Variants in POMZP3 observed in about 807,000 individuals in gnomAD.
The protein encoded by POMZP3 is POM121 and ZP3 fusion.
In POMZP3, 10 loss-of-function variants were observed where a neutral mutation model predicts 19.8. The observed-to-expected ratio is 0.51, with a 90% CI of 0.31 to 0.86. POMZP3 has a LOEUF of 0.86. Among genes scored for constraint, POMZP3 ranks in the 40% least tolerant of loss-of-function variants. The pLI, the probability that POMZP3 is intolerant of heterozygous loss-of-function variation, is 0.04. For synonymous variants in POMZP3, 57 were observed against 85.8 expected (o/e 0.66, Z 1.85); for missense variants, 152 against 228.1 (o/e 0.67, Z 2.15).
In POMZP3 at chr7:76,625,660, G is replaced by C; in HGVS notation, c.89C>G (p.Thr30Arg). The C allele has an allele frequency of 6.2e-7, 1 of 1,613,884 alleles. No homozygotes were observed. Among genetic ancestry groups the C allele is most frequent in the Non-Finnish European group, 8.5e-7 (1 of 1,179,838 alleles). Residue 30 changes from threonine (T) to arginine (R), a missense_variant, in exon 3 of 7, where the codon ACA (threonine) becomes AGA (arginine). By Grantham distance (71) the Thr-to-Arg change is moderately conservative. This residue lies in a region of POMZP3 where 70 missense variants were observed against 64.1 expected (regional missense o/e 1.09). Transcript: ENST00000310842. ...GGCATTACTTGATGGTGAGGACAGT[G>C]TTGAGCTGATTATCTGCTCTGGTCT... Reference protein sequence around the residue: ...SAIPEQIISSTLSSPSSNAPD... With the variant: ...SAIPEQIISSRLSSPSSNAPD...
In POMZP3 at chr7:76,610,201, C is replaced by G. The variant is rs750860386; in HGVS notation, c.*26G>C. 6.2e-6 allele frequency: 10 copies of G among 1,613,540 alleles called. No individual in the cohort carries two copies. Among genetic ancestry groups the G allele is most frequent in the South Asian group, 5.5e-5 (5 of 91,056 alleles). On this transcript the variant is annotated 3_prime_UTR_variant, in exon 7 of 7. Coordinates refer to ENST00000310842, the MANE Select transcript of POMZP3 (RefSeq NM_012230.5). Reference sequence around the variant, plus strand: ...AAGATCAGTGGCCCCACGGTGACATCTGCTTCTTCTGTCACTGTGAAAGGA... The same window carrying G: ...AAGATCAGTGGCCCCACGGTGACATGTGCTTCTTCTGTCACTGTGAAAGGA...
At chr7:76,614,181 C>T (rs112106018) in intron 4 of POMZP3, among the ~76,000 whole-genome samples, 3 of 93,936 alleles carry the variant, frequency 3.2e-5, no homozygotes, top group Admixed American at 1.0e-4. Flanking sequence ...TCCTTAGCTT[C>T]TTCCTAGTAT....
rs1815934257 is a variant in POMZP3 at position 76,626,853 on chromosome 7, G to A, written c.-297C>T. On this transcript the variant is annotated 5_prime_UTR_variant, in exon 1 of 7. Coordinates refer to ENST00000310842, the MANE Select transcript of POMZP3 (RefSeq NM_012230.5). ...GGCCAGGCCTATTCCGCAGGTCCTGGCCCTCCGGAGCGGGGGCGGGCTGCG... is the reference window on the plus strand; with the variant it reads ...GGCCAGGCCTATTCCGCAGGTCCTGACCCTCCGGAGCGGGGGCGGGCTGCG... 1 of 1,398,350 alleles carries A rather than the reference G, an allele frequency of 7.2e-7. No homozygotes were observed. Among genetic ancestry groups the A allele is most frequent in the Non-Finnish European group, 9.2e-7 (1 of 1,085,238 alleles). 86.6% of individuals were successfully genotyped at this position (1,398,350 alleles called of 1,614,324 possible).
At chr7:76,610,430 A>C (rs1815037541) in intron 6 of POMZP3, among the ~76,000 whole-genome samples, 1 of 152,094 alleles carries the variant, frequency 6.6e-6, no homozygotes, top group South Asian at 2.1e-4. Context: ...AGGCAGGCAG[A>C]TCACCTGAGG....
intron 3 of POMZP3, among the ~76,000 whole-genome samples, chr7:76,623,212 C>A (rs1199879230): frequency 6.6e-6 from 1 of 151,768 alleles, no homozygotes; most frequent in Non-Finnish European, 1.5e-5. Context: ...CACTTTTCCC[C>A]CTGTGATACA....
chr7:76,611,318 G>A (rs1305020413), intron 6 of POMZP3, 136 bp downstream of exon 6: 2 of 1,151,322 alleles, frequency 1.7e-6, no homozygotes, highest in Non-Finnish European at 2.4e-6. Flanking sequence ...TTTGTGTTAG[G>A]GAAAGGTAGC....
intron 3 of POMZP3, among the ~76,000 whole-genome samples, chr7:76,621,739 G>C (rs963913165): frequency 8.6e-5 from 13 of 151,706 alleles, no homozygotes; most frequent in African/African-American, 3.1e-4. Flanking sequence ...AGGAGATCGA[G>C]ACCATCCTGG....
intron 2 of POMZP3, 33 bp downstream of exon 2, chr7:76,625,967 A>G (rs770377647): frequency 8.1e-6 from 13 of 1,612,044 alleles, no homozygotes; most frequent in Non-Finnish European, 5.1e-6. Context: ...TGGACACGAA[A>G]AGGGAGAGTA....
rs1244281363 is a variant in POMZP3 at position 76,614,559 on chromosome 7, T to TC, written c.346-2747dup. ...TGGGCAACAAGAGTGACACTCCATT[T>TC]CCCCCAAAAAAAAAAAAAAAAAAGA... On this transcript the variant is annotated intron_variant, in intron 4 of 6. Transcript: ENST00000310842. 1.4e-3 allele frequency among the ~76,000 whole-genome samples: 70 copies of TC among 49,254 alleles called. 16 individuals are homozygous for TC. Among genetic ancestry groups the TC allele is most frequent in the Non-Finnish European group, 2.2e-3 (60 of 26,812 alleles). The allele number at this position is 49,254 out of a possible 152,430, so 32.3% of individuals were successfully genotyped here.
intron 4 of POMZP3, among the ~76,000 whole-genome samples, chr7:76,613,635 CCCA>C (rs1380220792): frequency 1.2e-5 from 1 of 85,022 alleles, no homozygotes; most frequent in South Asian, 3.8e-4. Context: ...ATTATGGGTA[CCCA>C]CCACCACACC....
In POMZP3 at chr7:76,615,993, G is replaced by C. The variant is rs866682132; in HGVS notation, c.345+2190C>G. On this transcript the variant is annotated intron_variant, in intron 4 of 6. Coordinates refer to ENST00000310842, the MANE Select transcript of POMZP3 (RefSeq NM_012230.5). ...CCTCTCAAAAAAAAAAAAAAAAGGGGGGGGGGGCAGGTGGCACGTGGTGGT... is the reference window on the plus strand; with the variant it reads ...CCTCTCAAAAAAAAAAAAAAAAGGGCGGGGGGGCAGGTGGCACGTGGTGGT... Among the ~76,000 whole-genome samples the C allele has an allele frequency of 1.9e-4, 12 of 63,420 alleles. 5 individuals carry two copies. The highest frequency in any genetic ancestry group is 5.9e-4 in the Admixed American group (4 of 6,824). 41.6% of individuals were successfully genotyped at this position (63,420 alleles called of 152,430 possible). A position where few individuals can be genotyped will look rare whatever the true frequency, so the allele number is the denominator to read the frequency against.
intron 3 of POMZP3, among the ~76,000 whole-genome samples, chr7:76,621,948 TAAATAA>T (rs1815587131): frequency 1.1e-5 from 1 of 90,184 alleles, no homozygotes; most frequent in Non-Finnish European, 2.3e-5. Flanking sequence ...AAAAAATAAA[TAAATAA>T]ATAAATAAAT....
chr7:76,618,532 A>T, intron 3 of POMZP3: 2 of 560,856 alleles, frequency 3.6e-6, no homozygotes, highest in Non-Finnish European at 6.1e-6. Context: ...GAGGCAGGAG[A>T]ATCGCTTGAA....
intron 3 of POMZP3, chr7:76,618,505 C>G (rs1207283872): frequency 1.4e-6 from 1 of 701,264 alleles, no homozygotes; most frequent in South Asian, 1.8e-5. Flanking sequence ...ACCTGTAATC[C>G]ACCTACTCGG....
intron 3 of POMZP3, among the ~76,000 whole-genome samples, chr7:76,622,570 TG>T (rs1323294124): frequency 4.6e-5 from 7 of 151,520 alleles, no homozygotes; most frequent in Admixed American, 2.6e-4. Context: ...TTCACCATCT[TG>T]GCCAGGCTGG....
Position 76,626,826 on chromosome 7 carries a change from G to C in POMZP3, c.-270C>G. 1 of 1,364,470 alleles carries C rather than the reference G, an allele frequency of 7.3e-7. No individual in the cohort carries two copies. Among genetic ancestry groups the C allele is most frequent in the South Asian group, 1.6e-5 (1 of 63,244 alleles). 84.5% of individuals were successfully genotyped at this position (1,364,470 alleles called of 1,614,324 possible). Reference sequence around the variant, plus strand: ...GAGCGCGGCGCCGGGCGGGCGGGCGGCGGCCAGGCCTATTCCGCAGGTCCT... The same window carrying C: ...GAGCGCGGCGCCGGGCGGGCGGGCGCCGGCCAGGCCTATTCCGCAGGTCCT... On this transcript the variant is annotated 5_prime_UTR_variant, in exon 1 of 7. Coordinates refer to ENST00000310842, the MANE Select transcript of POMZP3 (RefSeq NM_012230.5).
At chr7:76,614,522 T>G (rs1225964371) in intron 4 of POMZP3, among the ~76,000 whole-genome samples, 3 of 74,196 alleles carry the variant, frequency 4.0e-5, no homozygotes, top group Non-Finnish European at 8.2e-5. Context: ...ATTACGCCAT[T>G]GCACTCTAGC....
At chr7:76,616,107 A>T (rs370275267) in intron 4 of POMZP3, among the ~76,000 whole-genome samples, 53 of 130,006 alleles carry the variant, frequency 4.1e-4, no homozygotes, top group East Asian at 1.3e-3. Flanking sequence ...AAATGATGAA[A>T]CCCTGTCTCT....
intron 3 of POMZP3, among the ~76,000 whole-genome samples, chr7:76,620,861 A>ATTTTTTTTTTTTTTTTTTTTTTTT: frequency 1.3e-5 from 1 of 76,200 alleles, no homozygotes; most frequent in East Asian, 4.7e-4. Context: ...CTGTAAAGCC[A>ATTTTTTTTTTTTTTTTTTTTTTTT]TTTTTTTTTT....
Sources: gnomAD v4.1 joint callset for allele counts (sites outside exome capture counted in the v4.1 genomes callset) on GRCh38, gnomAD v4.1.1 for gene constraint, gnomAD v4.1.1 regional missense constraint, MANE v1.5 for transcripts, NCBI Gene and HGNC (gene_info 2026-07-23, HGNC 2026-07-21) for gene names.